WRAP53: variants seen among roughly 807,000 people sequenced by gnomAD.
WRAP53 encodes the protein telomerase Cajal body protein 1.
In WRAP53, 28 loss-of-function variants were observed where a neutral mutation model predicts 56.6. The ratio of observed to expected loss-of-function variants is 0.50; its 90% CI spans 0.37 to 0.68. WRAP53 has a LOEUF of 0.68. Among genes scored for constraint, WRAP53 ranks in the 30% least tolerant of loss-of-function variants. WRAP53 has a pLI of 0.00. For synonymous variants in WRAP53, 283 were observed against 283.4 expected (o/e 1.00, Z 0.01); for missense variants, 671 against 715.5 (o/e 0.94, Z 0.71).
Position 7,703,481 on chromosome 17 carries a change from A to G in WRAP53, c.1642A>G (p.Ile548Val), listed in dbSNP as rs1309855082. The change falls in exon 11 of 11, where the codon ATA (isoleucine) becomes GTA (valine). Residue 548 changes from isoleucine to valine, a missense_variant. Physicochemically the swap from Ile to Val is conservative, Grantham distance 29. This residue lies in a region of WRAP53 where 107 missense variants were observed against 81.3 expected (regional missense o/e 1.32). Transcript: ENST00000396463. The stretch of plus-strand genomic sequence containing the variant: ...AACGGAGGGAGGTGTGGGTGAGCTG[A>G]TATAAAAAGGTTTTTATGATACTAG... ...GGTEGGVGEL[I>V] The G allele has an allele frequency of 5.6e-6, 9 of 1,610,080 alleles. No homozygotes were observed. Among genetic ancestry groups the G allele is most frequent in the Admixed American group, 1.7e-5 (1 of 59,730 alleles).
Position 7,701,561 on chromosome 17 carries a change from C to T in WRAP53, c.822+12C>T, listed in dbSNP as rs776760980. 3 of 1,614,252 alleles carry T rather than the reference C, an allele frequency of 1.9e-6. No individual in the cohort carries two copies. The highest frequency in any genetic ancestry group is 1.1e-5 in the South Asian group (1 of 91,090). ...CCTACAACCACCTGGTAGGGACCGC[C>T]ATACTCAGCCCCAGCACTCGTACTG... On this transcript the variant is annotated intron_variant, in intron 6 of 10. Transcript: ENST00000396463. This position sits in a 1 kb window ranked among gnomAD's most constrained non-coding sequence, Gnocchi z 4.2.
intron 4 of WRAP53, among the ~76,000 whole-genome samples, chr17:7,699,522 T>TTTTATATATATATATA (rs1429418083): frequency 7.1e-5 from 1 of 14,110 alleles, no homozygotes; most frequent in Non-Finnish European, 1.2e-4. Flanking sequence ...ATATATATAT[T>TTTTATATATATATATA]TATATATATA....
chr17:7,695,174 C>G (rs988031773), intron 4 of WRAP53, among the ~76,000 whole-genome samples: 2 of 152,064 alleles, frequency 1.3e-5, no homozygotes, highest in African/African-American at 4.8e-5. Flanking sequence ...CCAGGATGGT[C>G]TCGATCTCCT....
rs763839659 is a variant in WRAP53, at chr17:7,700,765, G to A, written c.667G>A (p.Gly223Ser). The change falls in exon 5 of 11, where the codon GGT (glycine) becomes AGT (serine). Residue 223 changes from glycine (G) to serine (S), a missense_variant. Transcript: ENST00000396463. ...GGTCCCTGTCCTTCGAATGGTGGAA[G>A]GTGATACCATCTATGATTACTGCTG... ...EMVPVLRMVE[G>S]DTIYDYCWYS... 2 of 1,612,852 alleles carry A rather than the reference G, an allele frequency of 1.2e-6. No homozygotes were observed. Among genetic ancestry groups the A allele is most frequent in the Non-Finnish European group, 1.7e-6 (2 of 1,179,200 alleles).
At chr17:7,695,731 C>T (rs571251413) in intron 4 of WRAP53, among the ~76,000 whole-genome samples, 1 of 152,174 alleles carries the variant, frequency 6.6e-6, no homozygotes, top group Non-Finnish European at 1.5e-5. Context: ...GCCAGGGTCT[C>T]TCTCATCCTT....
At chr17:7,691,548 C>T (rs1194424438) in intron 4 of WRAP53, among the ~76,000 whole-genome samples, 1 of 151,756 alleles carries the variant, frequency 6.6e-6, no homozygotes, top group Non-Finnish European at 1.5e-5. Context: ...CGCCACCATG[C>T]CCAGCTAATT....
At position 7,702,109 on chromosome 17, in the gene WRAP53, C is replaced by A; in HGVS notation, c.956-235C>A. ...TTTCCTGTAGGCCTTCAACTTGCAT[C>A]TCTCCAAGGAAGAACTGGGATTTGA... On this transcript the variant is annotated intron_variant, in intron 7 of 10. Coordinates refer to ENST00000396463, the MANE Select transcript of WRAP53 (RefSeq NM_001143992.2). This position sits in a 1 kb window ranked among gnomAD's most constrained non-coding sequence, Gnocchi z 5.0. The A allele has an allele frequency of 1.4e-6, 1 of 701,178 alleles. No individual in the cohort carries two copies. The highest frequency in any genetic ancestry group is 2.5e-6 in the Non-Finnish European group (1 of 396,878). 43.4% of individuals were successfully genotyped at this position (701,178 alleles called of 1,614,324 possible).
In WRAP53 at chr17:7,700,854, C is replaced by T. The variant is rs111998875; in HGVS notation, c.731+25C>T. Reference sequence around the variant, plus strand: ...AGTAAGTAATGTTTGCCTCCCTGCTCGCCGCCCCACCACCCAGTTTCAAGC... The same window carrying T: ...AGTAAGTAATGTTTGCCTCCCTGCTTGCCGCCCCACCACCCAGTTTCAAGC... On this transcript the variant is annotated intron_variant, in intron 5 of 10. Transcript: ENST00000396463. 1.3e-3 allele frequency: 2,077 copies of T among 1,553,076 alleles called. 4 individuals are homozygous for T. Among genetic ancestry groups the T allele is most frequent in the Non-Finnish European group, 1.7e-3 (1,933 of 1,125,006 alleles).
At position 7,702,227 on chromosome 17, in the gene WRAP53, T is replaced by TG. The variant is rs574637496; in HGVS notation, c.956-110dup. The TG allele has an allele frequency of 1.6e-3, 1,764 of 1,091,992 alleles. 8 individuals carry two copies. The highest frequency in any genetic ancestry group is 0.014 in the Middle Eastern group (67 of 4,706). The allele number at this position is 1,091,992 out of a possible 1,614,324, so 67.6% of individuals were successfully genotyped here. Reference sequence around the variant, plus strand: ...TTTGTCCTGCTTGTGACAGACAGCATGGGGGGGATGTTGAGTCCAAGCATG... The same window carrying TG: ...TTTGTCCTGCTTGTGACAGACAGCATGGGGGGGGATGTTGAGTCCAAGCATG... On this transcript the variant is annotated intron_variant, in intron 7 of 10. Coordinates refer to ENST00000396463, the MANE Select transcript of WRAP53 (RefSeq NM_001143992.2). This position sits in a 1 kb window ranked among gnomAD's most constrained non-coding sequence, Gnocchi z 5.0.
chr17:7,687,774 G>A, upstream of WRAP53: 1 of 396,876 alleles, frequency 2.5e-6, no homozygotes, highest in Admixed American at 4.4e-5. Flanking sequence ...GAGGAATCCT[G>A]CATTGTGTCA....
Position 7,701,862 on chromosome 17 carries a change from C to T in WRAP53, c.955+73C>T, listed in dbSNP as rs754107209. 6.3e-5 allele frequency: 98 copies of T among 1,564,810 alleles called. 1 individual carries two copies. In the Middle Eastern group the frequency reaches 1.2e-3, roughly 19 times the overall value. On this transcript the variant is annotated intron_variant, in intron 7 of 10. Transcript: ENST00000396463. The surrounding 1 kb of genome is among the most constrained non-coding windows in gnomAD (Gnocchi z 4.2). ...ACCTGCACAGGGGCCTTTTGTGAGC[C>T]GGGGGCCACCTGTGGGGGTTCACGC...
At position 7,703,439 on chromosome 17, in the gene WRAP53, G is replaced by A. The variant is rs1398284624; in HGVS notation, c.1600G>A (p.Glu534Lys). Reference protein sequence around the residue: ...DSSIPDDHQGEKGQGGTEGGV... With the variant: ...DSSIPDDHQGKKGQGGTEGGV... ...CAGCATCCCTGATGATCACCAGGGC[G>A]AGAAAGGGCAGGGAGGAACGGAGGG... Residue 534 changes from glutamate (E) to lysine (K), a missense_variant, in exon 11 of 11, where the codon GAG becomes AAG. By Grantham distance (56) the Glu-to-Lys change is moderately conservative (BLOSUM62 1). Around this residue, in one of 3 missense-constraint regions of WRAP53, gnomAD observed 107 missense variants for 81.3 expected, o/e 1.32. Transcript: ENST00000396463. 1.2e-6 allele frequency: 2 copies of A among 1,611,470 alleles called. No homozygotes were observed. The highest frequency in any genetic ancestry group is 1.3e-5 in the African/African-American group (1 of 74,734).
rs770273614 is a variant in WRAP53 at position 7,701,962 on chromosome 17, A to G, written c.955+173A>G. ...CAAACAGGCTCAGAGCAGGTAGGAA[A>G]CCTTCCCAAGGCCAACCAGCTGGTC... On this transcript the variant is annotated intron_variant, in intron 7 of 10. Coordinates refer to ENST00000396463, the MANE Select transcript of WRAP53 (RefSeq NM_001143992.2). This position sits in a 1 kb window ranked among gnomAD's most constrained non-coding sequence, Gnocchi z 4.2. The G allele has an allele frequency of 2.6e-6, 3 of 1,148,000 alleles. No individual in the cohort carries two copies. Among genetic ancestry groups the G allele is most frequent in the South Asian group, 1.3e-5 (1 of 75,500 alleles). 71.1% of individuals were successfully genotyped at this position (1,148,000 alleles called of 1,614,324 possible). A position where few individuals can be genotyped will look rare whatever the true frequency, so the allele number is the denominator to read the frequency against.
Position 7,700,747 on chromosome 17 carries a change from G to T in WRAP53, c.649G>T (p.Val217Phe). 6.2e-7 allele frequency: 1 copy of T among 1,612,196 alleles called. No homozygotes were observed. The highest frequency in any genetic ancestry group is 1.1e-5 in the South Asian group (1 of 91,052). ...TTCCCCCGTCTCTGTATAGGTCCCT[G>T]TCCTTCGAATGGTGGAAGGTGATAC... ...EQVEYAEMVPVLRMVEGDTIY... is the reference protein window; with the variant it reads ...EQVEYAEMVPFLRMVEGDTIY... Residue 217 changes from valine (V) to phenylalanine (F), a missense_variant, in exon 5 of 11, where the codon GTC becomes TTC. Val to Phe is a conservative substitution (Grantham distance 50). This residue lies in a region of WRAP53 where 406 missense variants were observed against 418.5 expected (regional missense o/e 0.97). Coordinates refer to ENST00000396463, the MANE Select transcript of WRAP53 (RefSeq NM_001143992.2).
In WRAP53 at chr17:7,703,494, T is replaced by G. The variant is rs1413843553; in HGVS notation, c.*8T>G. 2.5e-6 allele frequency: 4 copies of G among 1,586,354 alleles called. No individual in the cohort carries two copies. The highest frequency in any genetic ancestry group is 2.6e-6 in the Non-Finnish European group (3 of 1,165,512). On this transcript the variant is annotated 3_prime_UTR_variant, in exon 11 of 11. Transcript: ENST00000396463. ...GTGGGTGAGCTGATATAAAAAGGTT[T>G]TTATGATACTAGAGTCTTCGTGTCT...
chr17:7,687,195 G>C, upstream of WRAP53: 1 of 397,488 alleles, frequency 2.5e-6, no homozygotes, highest in Non-Finnish European at 4.4e-6. Flanking sequence ...CTACACCCAG[G>C]TCTCCCAACA....
chr17:7,689,657 C>A lies in WRAP53; in HGVS notation c.598C>A (p.Pro200Thr). Residue 200 changes from proline (P) to threonine (T), a missense_variant, in exon 4 of 11, where the codon CCA becomes ACA. Physicochemically the swap from Pro to Thr is conservative, Grantham distance 38. This residue lies in a region of WRAP53 where 406 missense variants were observed against 418.5 expected (regional missense o/e 0.97). Transcript: ENST00000396463. Reference protein sequence around the residue: ...DNILRIYNLPPELYHEGEQVE... With the variant: ...DNILRIYNLPTELYHEGEQVE... ...CATCTTGCGAATTTATAACCTGCCC[C>A]CAGAGCTGTACCATGAGGGGGAGCA... is the stretch of plus-strand genomic sequence containing the variant. 4 of 1,614,166 alleles carry A rather than the reference C, an allele frequency of 2.5e-6. No homozygotes were observed. Among genetic ancestry groups the A allele is most frequent in the South Asian group, 1.1e-5 (1 of 91,080 alleles).
intron 4 of WRAP53, among the ~76,000 whole-genome samples, chr17:7,692,746 C>T (rs1297664549): frequency 1.0e-5 from 1 of 98,066 alleles, no homozygotes; most frequent in African/African-American, 5.0e-5. Context: ...GGTCATTCTC[C>T]TTTTTTTTTT....
intron 4 of WRAP53, among the ~76,000 whole-genome samples, chr17:7,694,523 G>A (rs971463722): frequency 6.6e-6 from 1 of 152,144 alleles, no homozygotes; most frequent in South Asian, 2.1e-4. Context: ...GATTACAGGC[G>A]TGAGCCACTG....
Sources: gnomAD v4.1 joint callset for allele counts (sites outside exome capture counted in the v4.1 genomes callset) on GRCh38, gnomAD v4.1.1 for gene constraint, gnomAD v4.1.1 regional missense constraint, Gnocchi (gnomAD v3.1) non-coding constraint, MANE v1.5 for transcripts, NCBI Gene and HGNC (gene_info 2026-07-23, HGNC 2026-07-21) for gene names.